PLCB1: variants seen among roughly 807,000 people sequenced by gnomAD.
PLCB1 encodes 1-phosphatidylinositol 4,5-bisphosphate phosphodiesterase beta-1.
A neutral mutation model predicts 161.8 loss-of-function variants in PLCB1; 46 were observed. The ratio of observed to expected loss-of-function variants is 0.28; its 90% CI spans 0.22 to 0.36. PLCB1 has a LOEUF of 0.36. PLCB1 is among the 10% of genes least tolerant of loss of function. The probability of loss-of-function intolerance (pLI) is 1.00; values close to 1 mark genes in which losing one functional copy is unlikely to be tolerated. For missense variants in PLCB1, 1,016 were observed against 1,472.5 expected (o/e 0.69, Z 5.07); for synonymous variants, 517 against 503.7 (o/e 1.03, Z -0.35).
At chr20:8,384,289 A>G (rs1013511727) in intron 3 of PLCB1, among the ~76,000 whole-genome samples, 1 of 151,482 alleles carries the variant, frequency 6.6e-6, no homozygotes, top group Non-Finnish European at 1.5e-5. Context: ...AAACTCTGAT[A>G]TCCTTTCTTC....
chr20:8,632,345 G>A (rs1222795462), intron 4 of PLCB1, among the ~76,000 whole-genome samples: 1 of 152,004 alleles, frequency 6.6e-6, no homozygotes, highest in African/African-American at 2.4e-5. Context: ...GAAGAACTTG[G>A]ATTCGTTCAC....
At chr20:8,179,846 CTTTTTTTTTTTTTTTT>C (rs35174594) in intron 2 of PLCB1, among the ~76,000 whole-genome samples, 31 of 71,414 alleles carry the variant, frequency 4.3e-4, no homozygotes, top group Non-Finnish European at 4.4e-4. Context: ...TTGTTGAGGG[CTTTTTTTTTTTTTTTT>C]TTTTTTTTTT....
intron 9 of PLCB1, among the ~76,000 whole-genome samples, chr20:8,680,276 G>A (rs1172831457): frequency 2.0e-5 from 3 of 152,126 alleles, no homozygotes; most frequent in African/African-American, 7.2e-5. Flanking sequence ...CCAGCTGAAG[G>A]TTATATGGAA....
chr20:8,759,530 G>A (rs796546870), intron 24 of PLCB1, among the ~76,000 whole-genome samples: 5 of 152,068 alleles, frequency 3.3e-5, no homozygotes, highest in African/African-American at 1.2e-4. Context: ...GACAGAGTTT[G>A]GCTCTTGTTG....
At chr20:8,763,222 G>C (rs1482423128) in intron 25 of PLCB1, among the ~76,000 whole-genome samples, 1 of 152,158 alleles carries the variant, frequency 6.6e-6, no homozygotes, top group African/African-American at 2.4e-5. Flanking sequence ...TTTGTTTTGA[G>C]ACGGAGTCTC....
At chr20:8,417,959 C>T (rs558898927) in intron 3 of PLCB1, among the ~76,000 whole-genome samples, 1 of 152,332 alleles carries the variant, frequency 6.6e-6, no homozygotes, top group Admixed American at 6.5e-5. Context: ...CTGGCTAGCA[C>T]AGGGCAGCTG....
chr20:8,516,683 ATATATATATATATATATATATATATATG>A lies in PLCB1; in HGVS notation c.247-111607_247-111580del, dbSNP rs1335777684. On this transcript the variant is annotated intron_variant, in intron 3 of 31. Coordinates refer to ENST00000338037, the MANE Select transcript of PLCB1 (RefSeq NM_015192.4). The stretch of plus-strand genomic sequence containing the variant: ...TAACATCATATATATATATATATAT[ATATATATATATATATATATATATATATG>A]TATTCCATTTTGATGCTATATACTA... Among the ~76,000 whole-genome samples, 12 of 111,336 alleles carry A rather than the reference ATATATATATATATATATATATATATATG, an allele frequency of 1.1e-4. 1 individual carries two copies. Among genetic ancestry groups the A allele is most frequent in the Admixed American group, 1.7e-4 (2 of 11,882 alleles). The allele number at this position is 111,336 out of a possible 152,430, so 73.0% of individuals were successfully genotyped here.
chr20:8,185,042 T>G (rs1180142474), intron 2 of PLCB1, among the ~76,000 whole-genome samples: 1 of 151,838 alleles, frequency 6.6e-6, no homozygotes, highest in East Asian at 1.9e-4. Flanking sequence ...ACATGTGGTG[T>G]TTGGTTTTCT....
chr20:8,536,310 G>A (rs1454829457), intron 3 of PLCB1, among the ~76,000 whole-genome samples: 4 of 152,116 alleles, frequency 2.6e-5, no homozygotes, highest in Non-Finnish European at 2.9e-5. Flanking sequence ...CATGTTAGGC[G>A]CCGGATGAGT....
intron 2 of PLCB1, among the ~76,000 whole-genome samples, chr20:8,164,015 C>T (rs142319831): frequency 3.9e-5 from 6 of 152,244 alleles, no homozygotes; most frequent in East Asian, 1.9e-4. Context: ...AGGTCTTGCT[C>T]GTAATGGCCA....
intron 31 of PLCB1, among the ~76,000 whole-genome samples, chr20:8,855,422 A>G (rs1987036423): frequency 6.6e-6 from 1 of 152,206 alleles, no homozygotes; most frequent in African/African-American, 2.4e-5. Context: ...CAGCTGCAGC[A>G]GAACCTGTTC....
chr20:8,825,572 G>C (rs1204833184), intron 31 of PLCB1, among the ~76,000 whole-genome samples: 1 of 152,164 alleles, frequency 6.6e-6, no homozygotes, highest in East Asian at 1.9e-4. Flanking sequence ...ATCAGGAAAA[G>C]AATATACAAT....
chr20:8,654,591 A>G (rs1989402117), intron 7 of PLCB1, among the ~76,000 whole-genome samples: 1 of 151,738 alleles, frequency 6.6e-6, no homozygotes, highest in African/African-American at 2.4e-5. Context: ...AATGGATGCA[A>G]TGATGAAGAT....
chr20:8,266,488 C>G (rs916219020), intron 2 of PLCB1, among the ~76,000 whole-genome samples: 2 of 152,176 alleles, frequency 1.3e-5, no homozygotes, highest in Admixed American at 1.3e-4. Context: ...ATCGAGTCAG[C>G]TAATATCCTG....
At chr20:8,145,322 C>T (rs953252061) in intron 1 of PLCB1, among the ~76,000 whole-genome samples, 2 of 152,086 alleles carry the variant, frequency 1.3e-5, no homozygotes, top group South Asian at 2.1e-4. Context: ...GGATTAGGGC[C>T]CACTCTAAGG....
chr20:8,557,020 T>C (rs13042466), intron 3 of PLCB1, among the ~76,000 whole-genome samples: 1 of 145,272 alleles, frequency 6.9e-6, no homozygotes, highest in African/African-American at 2.6e-5. Context: ...ATAAAATAAA[T>C]AAAAAAAATA....
intron 3 of PLCB1, among the ~76,000 whole-genome samples, chr20:8,487,845 C>A (rs894169796): frequency 6.6e-6 from 1 of 152,030 alleles, no homozygotes; most frequent in African/African-American, 2.4e-5. Flanking sequence ...TCCTTTTTAC[C>A]GAGGCTGGTG....
Position 8,589,880 on chromosome 20 carries a change from A to G in PLCB1, c.247-38414A>G, listed in dbSNP as rs572162642. 9.1e-4 allele frequency among the ~76,000 whole-genome samples: 139 copies of G among 152,032 alleles called. 1 individual carries two copies. Among genetic ancestry groups the G allele is most frequent in the Non-Finnish European group, 6.0e-4 (41 of 67,972 alleles). ...GTGATCCTCCCACCTCAGCCTCCCAAAGGGCAGGGATTACAGGCATGAGCC... is the reference window on the plus strand; with the variant it reads ...GTGATCCTCCCACCTCAGCCTCCCAGAGGGCAGGGATTACAGGCATGAGCC... On this transcript the variant is annotated intron_variant, in intron 3 of 31. Coordinates refer to ENST00000338037, the MANE Select transcript of PLCB1 (RefSeq NM_015192.4).
At chr20:8,745,326 TC>T (rs1981115551) in intron 23 of PLCB1, among the ~76,000 whole-genome samples, 1 of 152,198 alleles carries the variant, frequency 6.6e-6, no homozygotes, top group Non-Finnish European at 1.5e-5. Context: ...TAAAGAAAAT[TC>T]TATCTAGGAC....
Sources: gnomAD v4.1 joint callset for allele counts (sites outside exome capture counted in the v4.1 genomes callset) on GRCh38, gnomAD v4.1.1 for gene constraint, MANE v1.5 for transcripts, NCBI Gene and HGNC (gene_info 2026-07-23, HGNC 2026-07-21) for gene names.